SYNPO2: variants seen among roughly 807,000 people sequenced by gnomAD.
SYNPO2 encodes the protein synaptopodin-2.
A neutral mutation model predicts 85.0 loss-of-function variants in SYNPO2; 56 were observed. The ratio of observed to expected loss-of-function variants is 0.66; its 90% confidence interval spans 0.53 to 0.82. The LOEUF is 0.82. Ranked by LOEUF, SYNPO2 falls within the 40% of genes least tolerant of loss-of-function variation. The pLI is 0.00. For synonymous variants in SYNPO2, 602 were observed against 591.1 expected, an observed-to-expected ratio of 1.02 and a Z score of -0.27; for missense variants, 1,575 against 1,534.2, an observed-to-expected ratio of 1.03 and a Z score of -0.44.
Position 119,057,529 on chromosome 4 carries a change from G to A in SYNPO2, c.3381G>A (p.Lys1127=), listed in dbSNP as rs376845378. The change falls in exon 5 of 5, where the codon AAG becomes AAA. Residue 1127 remains lysine, a synonymous_variant. Coordinates refer to ENST00000307142, the MANE Select transcript of SYNPO2 (RefSeq NM_133477.3). ...CCGATGGACTAGAGAAAGCAAACAA[G>A]AGACCAACTCCTTGGGAAGCAGCAG... ...KPTDGLEKAN[K]RPTPWEAAAK... is the part of the protein sequence containing the mutation. 9.8e-5 allele frequency: 158 copies of A among 1,613,944 alleles called. No individual in the cohort carries two copies. The highest frequency in any genetic ancestry group is 1.2e-4 in the Non-Finnish European group (146 of 1,180,024).
At chr4:118,909,442 G>A (rs578125923) in intron 1 of SYNPO2, among the ~76,000 whole-genome samples, 6 of 152,138 alleles carry the variant, frequency 3.9e-5, no homozygotes, top group Non-Finnish European at 7.4e-5. Context: ...CTGTTCCCTG[G>A]ACTTGCCCAG....
At chr4:118,974,363 G>A (rs928507444) in intron 1 of SYNPO2, among the ~76,000 whole-genome samples, 1 of 152,216 alleles carries the variant, frequency 6.6e-6, no homozygotes, top group Non-Finnish European at 1.5e-5. Flanking sequence ...GTCCATCCTT[G>A]ACTCTCTTGC....
chr4:118,880,861 T>G (rs1732075996), intron 1 of SYNPO2, among the ~76,000 whole-genome samples: 1 of 152,184 alleles, frequency 6.6e-6, no homozygotes, highest in Non-Finnish European at 1.5e-5. Flanking sequence ...TTTCAGGTAA[T>G]TCAGTATTAC....
At chr4:118,883,434 G>A (rs111597425) in intron 1 of SYNPO2, among the ~76,000 whole-genome samples, 2,580 of 152,208 alleles carry the variant, frequency 0.017, 34 homozygotes, top group Non-Finnish European at 0.021. Flanking sequence ...AGAATAAGTC[G>A]TTCTTAATGG....
At chr4:118,986,094 A>T (rs896084454) in intron 1 of SYNPO2, among the ~76,000 whole-genome samples, 8 of 152,184 alleles carry the variant, frequency 5.3e-5, no homozygotes, top group African/African-American at 1.9e-4. Flanking sequence ...ATCCATATAC[A>T]TGTAAAATCC....
chr4:118,905,378 G>A (rs1218147636), intron 1 of SYNPO2, among the ~76,000 whole-genome samples: 1 of 151,902 alleles, frequency 6.6e-6, no homozygotes. Context: ...AGCAAATTGA[G>A]ACATTGAACC....
intron 1 of SYNPO2, among the ~76,000 whole-genome samples, chr4:118,945,347 T>C (rs1451018722): frequency 6.6e-6 from 1 of 152,210 alleles, no homozygotes; most frequent in Non-Finnish European, 1.5e-5. Context: ...AAGAAAATAT[T>C]GGCAGGAAAG....
In SYNPO2 at chr4:118,889,108, C is replaced by A; in HGVS notation, c.72C>A (p.Gly24=). 4 of 1,614,134 alleles carry A rather than the reference C, an allele frequency of 2.5e-6. No homozygotes were observed. The highest frequency in any genetic ancestry group is 3.4e-6 in the Non-Finnish European group (4 of 1,180,018). The part of the protein sequence containing the change: ...GAPWGFRLQG[G]KEQKQPLQVA... ...CCTGGGGGTTCAGATTGCAAGGTGG[C>A]AAGGAGCAGAAGCAGCCCTTACAAG... Residue 24 remains glycine (G), a synonymous_variant, in exon 1 of 5, where the codon GGC becomes GGA. Transcript: ENST00000307142.
intron 4 of SYNPO2, chr4:119,035,831 A>AAAC: frequency 1.0e-6 from 1 of 984,918 alleles, no homozygotes; most frequent in Middle Eastern, 5.2e-4. Flanking sequence ...AAAAAAAAAA[A>AAAC]AAAACACCTG....
chr4:118,974,160 T>G (rs1232365815), intron 1 of SYNPO2, among the ~76,000 whole-genome samples: 1 of 152,178 alleles, frequency 6.6e-6, no homozygotes, highest in Non-Finnish European at 1.5e-5. Flanking sequence ...ACACCTTTAG[T>G]GGGAGAGTAA....
In SYNPO2 at chr4:118,864,115, T is replaced by G. The variant is rs528786734; in HGVS notation, c.12+13175T>G. Among the ~76,000 whole-genome samples, 3 of 138,622 alleles carry G rather than the reference T, an allele frequency of 2.2e-5. No homozygotes were observed. In the East Asian group the frequency reaches 5.8e-4, roughly 27 times the overall value. 90.9% of individuals were successfully genotyped at this position (138,622 alleles called of 152,430 possible). ...TAGCTATAAACTTTCCTCTTAGTAC[T>G]GCTTTTGCTGTATTCCATAGATTTT... On this transcript the variant is annotated intron_variant, in intron 1 of 4. Transcript: ENST00000610556.
chr4:118,946,683 T>C (rs1221810541), intron 1 of SYNPO2, among the ~76,000 whole-genome samples: 2 of 152,236 alleles, frequency 1.3e-5, no homozygotes, highest in Non-Finnish European at 2.9e-5. Context: ...TCTTGATTAA[T>C]ATTGTTAGAG....
upstream of SYNPO2, among the ~76,000 whole-genome samples, chr4:118,888,215 G>T (rs1185875149): frequency 2.3e-4 from 35 of 152,164 alleles, no homozygotes; most frequent in Admixed American, 2.3e-3. Context: ...CTATGCAATA[G>T]ATGTAATTAT....
intron 1 of SYNPO2, among the ~76,000 whole-genome samples, chr4:118,917,670 G>A (rs1248845296): frequency 6.6e-6 from 1 of 150,612 alleles, no homozygotes; most frequent in South Asian, 2.1e-4. Context: ...ATGAATGTTT[G>A]TCCCTTATTA....
intron 1 of SYNPO2, among the ~76,000 whole-genome samples, chr4:118,954,506 A>T (rs1734803402): frequency 6.6e-6 from 1 of 152,238 alleles, no homozygotes; most frequent in Admixed American, 6.5e-5. Flanking sequence ...TTTCAGTTTT[A>T]GGCAAAGTCT....
upstream of SYNPO2, among the ~76,000 whole-genome samples, chr4:118,886,022 C>A (rs1732193028): frequency 6.6e-6 from 1 of 152,108 alleles, no homozygotes; most frequent in South Asian, 2.1e-4. Context: ...CATTATATTT[C>A]AAGTTCCTGC....
intron 1 of SYNPO2, among the ~76,000 whole-genome samples, chr4:118,975,928 A>T (rs555928135): frequency 1.3e-5 from 2 of 152,256 alleles, no homozygotes; most frequent in African/African-American, 4.8e-5. Flanking sequence ...CCTCAAAGTC[A>T]GGAGAAAAAT....
chr4:119,036,866 G>C, intron 4 of SYNPO2: 1 of 1,137,288 alleles, frequency 8.8e-7, no homozygotes, highest in East Asian at 4.5e-5. Context: ...ATCAAGTCCT[G>C]TCAAACATTT....
intron 1 of SYNPO2, among the ~76,000 whole-genome samples, chr4:118,928,105 G>A (rs983985250): frequency 6.6e-6 from 1 of 152,150 alleles, no homozygotes. Flanking sequence ...TTTCAAACAA[G>A]CCTAGATATT....
Sources: allele counts gnomAD v4.1 joint callset (sites outside exome capture counted in the v4.1 genomes callset), GRCh38; gene constraint gnomAD v4.1.1; transcripts MANE v1.5; gene names NCBI Gene and HGNC (gene_info 2026-07-23, HGNC 2026-07-21).